The following CREB3L4 variants were observed in gnomAD, a reference collection of about 807,000 sequenced individuals.
The protein encoded by CREB3L4 is cyclic AMP-responsive element-binding protein 3-like protein 4.
Under a neutral mutation model 37.0 loss-of-function variants are expected in CREB3L4, and 28 were observed. That is an observed-to-expected ratio of 0.76 (90% confidence interval 0.56 to 1.04). The LOEUF (loss-of-function observed/expected upper bound fraction) is 1.04, where lower values mean the gene tolerates loss of function less well. CREB3L4 is among the 50% of genes least tolerant of loss of function. The pLI is 0.00. For missense variants in CREB3L4, 462 were observed against 486.0 expected, an observed-to-expected ratio of 0.95 and a Z score of 0.46; for synonymous variants, 175 against 192.2, an observed-to-expected ratio of 0.91 and a Z score of 0.74.
chr1:153,973,475 T>G lies in CREB3L4; in HGVS notation c.897+11T>G. 1 of 1,611,160 alleles carries G rather than the reference T, an allele frequency of 6.2e-7. No homozygotes were observed. The highest frequency in any genetic ancestry group is 8.5e-7 in the Non-Finnish European group (1 of 1,177,314). ...AGCACTTGTGTTTTGGTACCATTAGTCTATCTACTCCCATCTCCCCCCACA... is the reference window on the plus strand; with the variant it reads ...AGCACTTGTGTTTTGGTACCATTAGGCTATCTACTCCCATCTCCCCCCACA... On this transcript the variant is annotated intron_variant, in intron 8 of 9. Coordinates refer to ENST00000368607, the MANE Select transcript of CREB3L4 (RefSeq NM_001255978.2).
chr1:153,968,625 C>T lies in CREB3L4; in HGVS notation c.100C>T (p.Pro34Ser), dbSNP rs1441727950. Residue 34 changes from proline to serine, a missense_variant, in exon 2 of 10, where the codon CCT becomes TCT. Coordinates refer to ENST00000368607, the MANE Select transcript of CREB3L4 (RefSeq NM_001255978.2). ...CCTGGAGCTGGGACTCCACTGCCCC[C>T]CTCCAGAGGTTCCGGTAACTAGGCT... ...SVLELGLHCPPPEVPVTRLQE... is the reference protein window; with the variant it reads ...SVLELGLHCPSPEVPVTRLQE... 3.7e-6 allele frequency: 6 copies of T among 1,613,938 alleles called. No homozygotes were observed. The South Asian group carries it at 5.5e-5, about 15-fold the overall frequency.
chr1:153,973,693 C>G lies in CREB3L4; in HGVS notation c.971C>G (p.Ser324Cys). 6.2e-7 allele frequency: 1 copy of G among 1,604,736 alleles called. No homozygotes were observed. The highest frequency in any genetic ancestry group is 2.2e-5 in the East Asian group (1 of 44,784). Residue 324 changes from serine (S) to cysteine (C), a missense_variant, in exon 9 of 10, where the codon TCT becomes TGT. By Grantham distance (112) the Ser-to-Cys change is moderately radical. Coordinates refer to ENST00000368607, the MANE Select transcript of CREB3L4 (RefSeq NM_001255978.2). ...TTCCAGAGTCGACCAGAAGCTGGGT[C>G]TGAGGATTACCAGCCTCACGGAGGT... ...SPFQSRPEAG[S>C]EDYQPHGVTS...
At chr1:153,973,826 AC>A in intron 9 of CREB3L4, 45 bp from the exon 10 acceptor site, 1 of 1,594,910 alleles carries the variant, frequency 6.3e-7, no homozygotes, top group Non-Finnish European at 8.6e-7. Context: ...AGGGTCTCCC[AC>A]CCAGGGGAGC....
rs545125096 is a variant in CREB3L4 at position 153,970,673 on chromosome 1, G to A, written c.543+1218G>A. ...CTTGTACCCAAAAGGCAGGGACCAGGTCCTAGCCTCTCTTCAAATCTGCAG... is the reference window on the plus strand; with the variant it reads ...CTTGTACCCAAAAGGCAGGGACCAGATCCTAGCCTCTCTTCAAATCTGCAG... On this transcript the variant is annotated intron_variant, in intron 4 of 9. Coordinates refer to ENST00000368607, the MANE Select transcript of CREB3L4 (RefSeq NM_001255978.2). Among the ~76,000 whole-genome samples, 88 of 150,842 alleles carry A rather than the reference G, an allele frequency of 5.8e-4. 1 individual carries two copies. In the South Asian group the frequency reaches 0.01, roughly 18 times the overall value.
chr1:153,968,890 A>G, intron 2 of CREB3L4, 40 bp from the exon 3 acceptor site: 1 of 1,559,792 alleles, frequency 6.4e-7, no homozygotes, highest in South Asian at 1.2e-5. Context: ...GACTTCCAAA[A>G]TTCTTCCCTG....
In CREB3L4 at chr1:153,969,028, C is replaced by A; in HGVS notation, c.273C>A (p.Ile91=). ...SEASPGSDSG[I]SEDPCHPDSP... ...CATCTCCTGGCAGTGACAGTGGCATCTCTGAGGACCCCTGCCATCCAGACA... is the reference window on the plus strand; with the variant it reads ...CATCTCCTGGCAGTGACAGTGGCATATCTGAGGACCCCTGCCATCCAGACA... The change falls in exon 3 of 10, where the codon ATC becomes ATA. Residue 91 remains isoleucine, a synonymous_variant. Transcript: ENST00000368607. 1.2e-6 allele frequency: 2 copies of A among 1,614,214 alleles called. No individual in the cohort carries two copies. The highest frequency in any genetic ancestry group is 3.3e-4 in the Middle Eastern group (2 of 6,062).
chr1:153,973,721 G>C lies in CREB3L4; in HGVS notation c.994+5G>C, dbSNP rs1648637161. The C allele has an allele frequency of 6.3e-7, 1 of 1,595,578 alleles. No homozygotes were observed. Among genetic ancestry groups the C allele is most frequent in the East Asian group, 2.2e-5 (1 of 44,458 alleles). On this transcript the variant is annotated splice_donor_5th_base_variant and intron_variant, in intron 9 of 9. Coordinates refer to ENST00000368607, the MANE Select transcript of CREB3L4 (RefSeq NM_001255978.2). ...AGGATTACCAGCCTCACGGAGGTGA[G>C]AGGCAAGGGCAGGGAGCAACCCCTG...
At chr1:153,973,166 G>A in intron 6 of CREB3L4, 29 bp from the exon 7 acceptor site, 1 of 1,613,656 alleles carries the variant, frequency 6.2e-7, no homozygotes, top group Non-Finnish European at 8.5e-7. Flanking sequence ...TCAGGTTGCT[G>A]AGCCTTGTCC....
In CREB3L4 at chr1:153,968,862, G is replaced by T. The variant is rs1458594416; in HGVS notation, c.175-68G>T. ...CCCAAGAAGTGAAAGGACTGAAAAT[G>T]AAGCATAAGTCAGGGAGGACTTCCA... On this transcript the variant is annotated intron_variant, in intron 2 of 9. Coordinates refer to ENST00000368607, the MANE Select transcript of CREB3L4 (RefSeq NM_001255978.2). 10 of 1,538,874 alleles carry T rather than the reference G, an allele frequency of 6.5e-6. No homozygotes were observed. The African/African-American group carries it at 1.4e-4, about 21-fold the overall frequency.
intron 8 of CREB3L4, 69 bp from the exon 9 acceptor site, chr1:153,973,551 A>G: frequency 6.4e-7 from 1 of 1,566,514 alleles, no homozygotes; most frequent in African/African-American, 1.4e-5. Context: ...CCCACATCCG[A>G]TAACCCCAGC....
rs372769421 is a variant in CREB3L4, at chr1:153,971,332, A to C, written c.544-1412A>C. 1.1e-3 allele frequency among the ~76,000 whole-genome samples: 171 copies of C among 151,698 alleles called. 1 individual carries two copies. The highest frequency in any genetic ancestry group is 3.5e-3 in the African/African-American group (146 of 41,468). On this transcript the variant is annotated intron_variant, in intron 4 of 9. Transcript: ENST00000368607. The stretch of plus-strand genomic sequence containing the variant: ...GCAGTAAGTGGAGATTGCGCCATTG[A>C]ACTCCAGCCTGGGCGACAGGGCAAG...
intron 2 of CREB3L4, 21 bp downstream of exon 2, chr1:153,968,720 T>C: frequency 6.2e-7 from 1 of 1,611,864 alleles, no homozygotes; most frequent in East Asian, 2.2e-5. Context: ...CGAGTGGGAG[T>C]GGGGGTGGGG....
At position 153,968,718 on chromosome 1, in the gene CREB3L4, A is replaced by C; in HGVS notation, c.174+19A>C. Reference sequence around the variant, plus strand: ...TGGCTGTGTGAGTGTGACGAGTGGGAGTGGGGGTGGGGTTGAGACACAACT... The same window carrying C: ...TGGCTGTGTGAGTGTGACGAGTGGGCGTGGGGGTGGGGTTGAGACACAACT... On this transcript the variant is annotated intron_variant, in intron 2 of 9. Coordinates refer to ENST00000368607, the MANE Select transcript of CREB3L4 (RefSeq NM_001255978.2). The C allele has an allele frequency of 6.2e-7, 1 of 1,613,212 alleles. No individual in the cohort carries two copies. Among genetic ancestry groups the C allele is most frequent in the Non-Finnish European group, 8.5e-7 (1 of 1,179,720 alleles).
Position 153,973,863 on chromosome 1 carries a change from A to C in CREB3L4, c.995-9A>C, listed in dbSNP as rs763560658. 4 of 1,613,618 alleles carry C rather than the reference A, an allele frequency of 2.5e-6. No homozygotes were observed. The highest frequency in any genetic ancestry group is 2.5e-6 in the Non-Finnish European group (3 of 1,179,696). On this transcript the variant is annotated splice_polypyrimidine_tract_variant and intron_variant, in intron 9 of 9. Transcript: ENST00000368607. ...ACTCTACTACTGCCCTCTTGCCTTC[A>C]CCTCACAGTGACTTCCAGAAATATC...
intron 3 of CREB3L4, 44 bp from the exon 4 acceptor site, chr1:153,969,290 G>T (rs771465342): frequency 6.2e-7 from 1 of 1,614,202 alleles, no homozygotes; most frequent in Non-Finnish European, 8.5e-7. Context: ...CTGTCAGGGT[G>T]TTCCTAAGTC....
chr1:153,972,929 G>A, intron 5 of CREB3L4, 43 bp from the exon 6 acceptor site: 1 of 1,604,078 alleles, frequency 6.2e-7, no homozygotes, highest in Non-Finnish European at 8.5e-7. Context: ...GGGAGTTGGG[G>A]GCAGGTGAAG....
intron 2 of CREB3L4, 45 bp downstream of exon 2, chr1:153,968,744 C>G: frequency 6.2e-7 from 1 of 1,608,896 alleles, no homozygotes. Context: ...AGACACAACT[C>G]TGTGATAAGA....
At chr1:153,971,915 C>T (rs1405024466) in intron 4 of CREB3L4, among the ~76,000 whole-genome samples, 8 of 152,036 alleles carry the variant, frequency 5.3e-5, no homozygotes, top group African/African-American at 1.9e-4. Flanking sequence ...CTCCACCTCC[C>T]GGGTTCAAGC....
chr1:153,973,626 C>G lies in CREB3L4; in HGVS notation c.904C>G (p.Leu302Val). The change falls in exon 9 of 10, where the codon CTT (leucine) becomes GTT (valine). Residue 302 changes from leucine (L) to valine (V), a missense_variant. By Grantham distance (32) the Leu-to-Val change is conservative (BLOSUM62 1). Coordinates refer to ENST00000368607, the MANE Select transcript of CREB3L4 (RefSeq NM_001255978.2). ...TCCTCTTGCTTCCTCCCAGATTCTT[C>G]TTTTTTCCCTGGCTCTCATCATCCT... is the stretch of plus-strand genomic sequence containing the variant. ...AQTSTCVLIL[L>V]FSLALIILPS... 1 of 1,611,876 alleles carries G rather than the reference C, an allele frequency of 6.2e-7. No individual in the cohort carries two copies. Among genetic ancestry groups the G allele is most frequent in the Non-Finnish European group, 8.5e-7 (1 of 1,178,866 alleles).
Sources: allele counts gnomAD v4.1 joint callset (sites outside exome capture counted in the v4.1 genomes callset), GRCh38; gene constraint gnomAD v4.1.1; transcripts MANE v1.5; gene names NCBI Gene and HGNC (gene_info 2026-07-23, HGNC 2026-07-21).